VCAN: variants seen among roughly 807,000 people sequenced by gnomAD.
The protein encoded by VCAN is versican core protein.
VCAN carries 44 observed loss-of-function variants against 245.5 expected under a neutral mutation model. The observed-to-expected ratio is 0.18, with a 90% CI of 0.14 to 0.23. The LOEUF is 0.23. VCAN is among the 10% of genes least tolerant of loss of function. The pLI is 1.00. For missense variants in VCAN, 3,793 were observed against 4,057.9 expected (o/e 0.93, Z 1.77); for synonymous variants, 1,413 against 1,437.0 (o/e 0.98, Z 0.38).
At position 83,538,653 on chromosome 5, in the gene VCAN, G is replaced by C. The variant is rs1165686313; in HGVS notation, c.5650G>C (p.Gly1884Arg). The C allele has an allele frequency of 6.2e-7, 1 of 1,614,084 alleles. No individual in the cohort carries two copies. The highest frequency in any genetic ancestry group is 8.5e-7 in the Non-Finnish European group (1 of 1,179,958). Reference protein sequence around the residue: ...VETTFSTEPTGLVLSTVMDRV... With the variant: ...VETTFSTEPTRLVLSTVMDRV... Reference sequence around the variant, plus strand: ...AACTACATTCTCCACTGAGCCAACAGGACTGGTTTTGAGTACAGTAATGGA... The same window carrying C: ...AACTACATTCTCCACTGAGCCAACACGACTGGTTTTGAGTACAGTAATGGA... Residue 1884 changes from glycine to arginine, a missense_variant, in exon 8 of 15, where the codon GGA (glycine) becomes CGA (arginine). Physicochemically the swap from Gly to Arg is moderately radical, Grantham distance 125 (BLOSUM62 -2). Around this residue, in one of 5 missense-constraint regions of VCAN, gnomAD observed 3,182 missense variants for 3,250.3 expected, o/e 0.98. Transcript: ENST00000265077.
At chr5:83,545,339 A>T (rs1274557315) in intron 8 of VCAN, among the ~76,000 whole-genome samples, 198 bp from the exon 9 acceptor site, 3 of 152,228 alleles carry the variant, frequency 2.0e-5, no homozygotes, top group Non-Finnish European at 2.9e-5. Context: ...AAATGAATAG[A>T]TGCAATTTGT....
At chr5:83,553,267 C>T (rs1489171199) in intron 10 of VCAN, 97 bp from the exon 11 acceptor site, 44 of 1,508,464 alleles carry the variant, frequency 2.9e-5, no homozygotes, top group Non-Finnish European at 4.0e-5. Flanking sequence ...GGACATTGCA[C>T]AGATACTGGC....
At chr5:83,518,258 CATT>C (rs892473048) in intron 6 of VCAN, among the ~76,000 whole-genome samples, 2 of 152,030 alleles carry the variant, frequency 1.3e-5, no homozygotes, top group Non-Finnish European at 2.9e-5. Flanking sequence ...AAAAAACAAT[CATT>C]ATATAGTAGG....
chr5:83,517,024 T>C (rs865851077), intron 6 of VCAN, among the ~76,000 whole-genome samples: 1 of 152,172 alleles, frequency 6.6e-6, no homozygotes, highest in South Asian at 2.1e-4. Flanking sequence ...AAAATAGGGC[T>C]CTAAAATTAT....
intron 3 of VCAN, among the ~76,000 whole-genome samples, chr5:83,490,697 A>G (rs1222835587): frequency 2.0e-5 from 3 of 152,208 alleles, no homozygotes; most frequent in Non-Finnish European, 4.4e-5. Context: ...GAAGGAAAGT[A>G]TTGTATACTG....
Position 83,484,935 on chromosome 5 carries a change from A to G in VCAN, c.70+1347A>G, listed in dbSNP as rs188639806. ...GAAACATCGTGTGTTTGAATAGCAG[A>G]AAGGTCACTATAGTTGGAGAGCAGT... On this transcript the variant is annotated intron_variant, in intron 2 of 14. Transcript: ENST00000265077. Among the ~76,000 whole-genome samples, 263 of 152,310 alleles carry G rather than the reference A, an allele frequency of 1.7e-3. 2 individuals are homozygous for G. Among genetic ancestry groups the G allele is most frequent in the African/African-American group, 6.1e-3 (252 of 41,562 alleles).
intron 2 of VCAN, among the ~76,000 whole-genome samples, chr5:83,485,404 CAAAAAA>C (rs35054904): frequency 1.9e-5 from 2 of 104,368 alleles, no homozygotes; most frequent in Non-Finnish European, 4.1e-5. Context: ...AACTCCATGT[CAAAAAA>C]AAAAAAAAAA....
intron 5 of VCAN, among the ~76,000 whole-genome samples, chr5:83,499,357 A>G (rs1745260900): frequency 6.6e-6 from 1 of 152,154 alleles, no homozygotes; most frequent in African/African-American, 2.4e-5. Flanking sequence ...CCCAACTGCA[A>G]TCAAGAGCCT....
At chr5:83,494,947 T>C (rs1226183663) in intron 5 of VCAN, among the ~76,000 whole-genome samples, 1 of 152,138 alleles carries the variant, frequency 6.6e-6, no homozygotes, top group African/African-American at 2.4e-5. Flanking sequence ...GCCACAGCAC[T>C]CCAGCCTAGG....
intron 12 of VCAN, among the ~76,000 whole-genome samples, chr5:83,561,085 T>G (rs76469719): frequency 6.6e-6 from 1 of 152,290 alleles, no homozygotes; most frequent in East Asian, 1.9e-4. Context: ...AAACATTTTC[T>G]GCATCTCCTT....
In VCAN at chr5:83,537,830, A is replaced by C. The variant is rs753317867; in HGVS notation, c.4827A>C (p.Pro1609=). ...EAVTLIGNPW[P]DDLLSTKESW... is the part of the protein sequence containing the mutation. ...TTACCCTAATAGGAAATCCTTGGCCAGATGACCTGTTGTCTACCAAAGAAA... is the reference window on the plus strand; with the variant it reads ...TTACCCTAATAGGAAATCCTTGGCCCGATGACCTGTTGTCTACCAAAGAAA... The change falls in exon 8 of 15, where the codon CCA becomes CCC. Residue 1609 remains proline, a synonymous_variant. Coordinates refer to ENST00000265077, the MANE Select transcript of VCAN (RefSeq NM_004385.5). The C allele has an allele frequency of 7.4e-6, 12 of 1,613,930 alleles. No homozygotes were observed. In the Admixed American group the frequency reaches 1.2e-4, roughly 16 times the overall value.
Position 83,537,206 on chromosome 5 carries a change from T to G in VCAN, c.4203T>G (p.Asp1401Glu). Residue 1401 changes from aspartate (D) to glutamate (E), a missense_variant, in exon 8 of 15, where the codon GAT (aspartate) becomes GAG (glutamate). By Grantham distance (45) the Asp-to-Glu change is conservative (BLOSUM62 2). Around this residue, in one of 5 missense-constraint regions of VCAN, gnomAD observed 3,182 missense variants for 3,250.3 expected, o/e 0.98. Coordinates refer to ENST00000265077, the MANE Select transcript of VCAN (RefSeq NM_004385.5). ...EEEEECANAT[D>E]VTTTPSVQYI... ...AAGAAGAGTGTGCAAATGCTACTGA[T>G]GTGACAACCACCCCATCTGTGCAGT... 1 of 1,613,756 alleles carries G rather than the reference T, an allele frequency of 6.2e-7. No homozygotes were observed. The highest frequency in any genetic ancestry group is 8.5e-7 in the Non-Finnish European group (1 of 1,179,912).
chr5:83,510,655 G>T (rs191420283), intron 5 of VCAN, among the ~76,000 whole-genome samples: 1 of 152,246 alleles, frequency 6.6e-6, no homozygotes, highest in African/African-American at 2.4e-5. Flanking sequence ...AATTTAATTT[G>T]TGTGGAATTT....
In VCAN at chr5:83,539,232, G is replaced by A; in HGVS notation, c.6229G>A (p.Glu2077Lys). The change falls in exon 8 of 15, where the codon GAA becomes AAA. Residue 2077 changes from glutamate to lysine, a missense_variant. This residue lies in a region of VCAN where 3,182 missense variants were observed against 3,250.3 expected (regional missense o/e 0.98). Coordinates refer to ENST00000265077, the MANE Select transcript of VCAN (RefSeq NM_004385.5). ...TACGAAAGCTCCAGTAGAGAAGGAG[G>A]AAGTAAAGGTCAGTGGCACAGTTTC... ...EGTKAPVEKE[E>K]VKVSGTVSTN... 6.2e-7 allele frequency: 1 copy of A among 1,614,026 alleles called. No homozygotes were observed. Among genetic ancestry groups the A allele is most frequent in the Non-Finnish European group, 8.5e-7 (1 of 1,179,988 alleles).
intron 5 of VCAN, among the ~76,000 whole-genome samples, chr5:83,509,095 A>G (rs1745570702): frequency 1.0e-5 from 1 of 99,530 alleles, no homozygotes; most frequent in Non-Finnish European, 2.2e-5. Flanking sequence ...GAAAGAAAGA[A>G]GGAAGGAAGG....
chr5:83,537,661 T>C lies in VCAN; in HGVS notation c.4658T>C (p.Ile1553Thr), dbSNP rs1451519638. The C allele has an allele frequency of 6.2e-7, 1 of 1,613,850 alleles. No individual in the cohort carries two copies. The highest frequency in any genetic ancestry group is 8.5e-7 in the Non-Finnish European group (1 of 1,179,922). ...GAAGAGTCTTCAGGAGAGATTGCCA[T>C]TGACCAAGAATCTCAGAAAATAGCC... The part of the protein sequence containing the change: ...FPEESSGEIA[I>T]DQESQKIAFA... Residue 1553 changes from isoleucine (I) to threonine (T), a missense_variant, in exon 8 of 15, where the codon ATT becomes ACT. Physicochemically the swap from Ile to Thr is moderately conservative, Grantham distance 89. Around this residue, in one of 5 missense-constraint regions of VCAN, gnomAD observed 3,182 missense variants for 3,250.3 expected, o/e 0.98. Coordinates refer to ENST00000265077, the MANE Select transcript of VCAN (RefSeq NM_004385.5).
intron 5 of VCAN, among the ~76,000 whole-genome samples, chr5:83,511,767 C>T (rs1298727217): frequency 6.6e-6 from 1 of 151,982 alleles, no homozygotes; most frequent in Non-Finnish European, 1.5e-5. Flanking sequence ...AAAACAAAAA[C>T]CTGGATAGTA....
intron 1 of VCAN, among the ~76,000 whole-genome samples, chr5:83,479,538 T>A (rs1418927143): frequency 6.6e-6 from 1 of 152,170 alleles, no homozygotes; most frequent in African/African-American, 2.4e-5. Flanking sequence ...ATATAGGCAT[T>A]CACTCTCATA....
rs1745465726 is a variant in VCAN at position 83,505,817 on chromosome 5, G to T, written c.749-6286G>T. On this transcript the variant is annotated intron_variant, in intron 5 of 14. Transcript: ENST00000265077. ...AGCAAACTTCTGCCTGGGCAGCTAG[G>T]CATTTCCATACATCTTATGAAATCT... Among the ~76,000 whole-genome samples, 3 of 152,220 alleles carry T rather than the reference G, an allele frequency of 2.0e-5. No individual in the cohort carries two copies. In the South Asian group the frequency reaches 6.2e-4, roughly 31 times the overall value.
Sources: allele counts gnomAD v4.1 joint callset (sites outside exome capture counted in the v4.1 genomes callset), GRCh38; gene constraint gnomAD v4.1.1; regional missense constraint gnomAD v4.1.1; transcripts MANE v1.5; gene names NCBI Gene and HGNC (gene_info 2026-07-23, HGNC 2026-07-21).